The following SLC12A8 variants were observed in gnomAD, a reference collection of about 807,000 sequenced individuals.
SLC12A8 encodes the protein solute carrier family 12 member 8, also known as cation-chloride cotransporter 9.
In SLC12A8, 69 loss-of-function variants were observed where a neutral mutation model predicts 75.6. The observed-to-expected ratio is 0.91, with a 90% CI of 0.75 to 1.11. SLC12A8 has a LOEUF of 1.11. Among genes scored for constraint, SLC12A8 ranks in the 50% most tolerant of loss-of-function variants. The pLI is 0.00. For synonymous variants in SLC12A8, 365 were observed against 372.8 expected, an observed-to-expected ratio of 0.98 and a Z score of 0.24; for missense variants, 877 against 896.7, an observed-to-expected ratio of 0.98 and a Z score of 0.28.
intron 6 of SLC12A8, among the ~76,000 whole-genome samples, chr3:125,133,774 T>G (rs1353046370): frequency 1.3e-5 from 2 of 152,202 alleles, no homozygotes; most frequent in East Asian, 3.9e-4. Context: ...GGTCTCACTA[T>G]GTTGCCCAGG....
intron 2 of SLC12A8, among the ~76,000 whole-genome samples, chr3:125,199,069 T>A (rs549310436): frequency 2.0e-5 from 3 of 152,114 alleles, no homozygotes; most frequent in South Asian, 2.1e-4. Flanking sequence ...TGAGCCACCA[T>A]GCCCGGCTGA....
chr3:125,186,747 A>C lies in SLC12A8; in HGVS notation c.390+490T>G, dbSNP rs1579533419. ...CCCTCTCAGACAGGGCGTCCACACA[A>C]GAGGCTGTCAGCCTCCCTGTGAAGG... On this transcript the variant is annotated intron_variant, in intron 4 of 13. Transcript: ENST00000469902. Among the ~76,000 whole-genome samples, 4 of 152,374 alleles carry C rather than the reference A, an allele frequency of 2.6e-5. No individual in the cohort carries two copies. In the East Asian group the frequency reaches 7.7e-4, roughly 29 times the overall value.
chr3:125,149,455 A>G (rs1001099214), intron 5 of SLC12A8, among the ~76,000 whole-genome samples: 1 of 152,208 alleles, frequency 6.6e-6, no homozygotes, highest in Admixed American at 6.5e-5. Context: ...GCTGCTGGCC[A>G]GGGGTGATGG....
chr3:125,119,428 C>T (rs1932993292), intron 7 of SLC12A8, among the ~76,000 whole-genome samples: 1 of 152,218 alleles, frequency 6.6e-6, no homozygotes, highest in Admixed American at 6.5e-5. Context: ...AAACTAAAGT[C>T]AAAAGGCAGA....
At position 125,107,967 on chromosome 3, in the gene SLC12A8, T is replaced by C. The variant is rs959003476; in HGVS notation, c.1219A>G (p.Met407Val). 6.8e-6 allele frequency: 11 copies of C among 1,613,960 alleles called. No homozygotes were observed. The highest frequency in any genetic ancestry group is 4.0e-5 in the African/African-American group (3 of 74,906). Reference protein sequence around the residue: ...AVDYSYFSLSMCSCSLTPVPE... With the variant: ...AVDYSYFSLSVCSCSLTPVPE... ...ACCGGGGTCAGGCTGCAGGAACACA[T>C]GGACAGGGAGAAGTAAGAGTAGTCC... The change falls in exon 10 of 14, where the codon ATG becomes GTG. Residue 407 changes from methionine to valine, a missense_variant. Physicochemically the swap from Met to Val is conservative, Grantham distance 21. Transcript: ENST00000469902.
intron 6 of SLC12A8, among the ~76,000 whole-genome samples, chr3:125,127,561 A>G (rs975577868): frequency 6.6e-6 from 1 of 152,234 alleles, no homozygotes; most frequent in Non-Finnish European, 1.5e-5. Context: ...TTTTGAAAGT[A>G]CAAAATTATG....
chr3:125,189,787 C>T (rs932045407), intron 3 of SLC12A8, among the ~76,000 whole-genome samples: 4 of 152,194 alleles, frequency 2.6e-5, no homozygotes, highest in Admixed American at 2.0e-4. Context: ...CCCAGGCACA[C>T]ATCTGCTTGG....
At chr3:125,135,995 GACATA>G (rs1162768722) in intron 5 of SLC12A8, among the ~76,000 whole-genome samples, 12 of 152,178 alleles carry the variant, frequency 7.9e-5, no homozygotes, top group African/African-American at 2.7e-4. Flanking sequence ...ACAGATGGAT[GACATA>G]ACATGAAAGG....
At chr3:125,211,750 A>C (rs1935340588) in intron 1 of SLC12A8, among the ~76,000 whole-genome samples, 1 of 152,114 alleles carries the variant, frequency 6.6e-6, no homozygotes, top group Non-Finnish European at 1.5e-5. Context: ...GTGCCTCGTG[A>C]ACCCCTCTCT....
At chr3:125,137,101 C>A (rs4679158) in intron 5 of SLC12A8, among the ~76,000 whole-genome samples, 106,710 of 152,026 alleles carry the variant, frequency 0.7, 38,036 homozygotes, top group Non-Finnish European at 0.77. Flanking sequence ...TCATCCTCCA[C>A]CCGCTCGGAG....
intron 5 of SLC12A8, among the ~76,000 whole-genome samples, chr3:125,172,495 A>G (rs1040557617): frequency 3.3e-5 from 5 of 152,140 alleles, no homozygotes; most frequent in East Asian, 1.9e-4. Context: ...TCCAGCCCCA[A>G]TTAAGCCTTC....
At chr3:125,170,568 C>A (rs1203471514) in intron 5 of SLC12A8, among the ~76,000 whole-genome samples, 1 of 152,136 alleles carries the variant, frequency 6.6e-6, no homozygotes, top group Non-Finnish European at 1.5e-5. Flanking sequence ...AAGAGCTGTG[C>A]TGTGTGTGTT....
chr3:125,180,194 G>C (rs539125075), intron 4 of SLC12A8, among the ~76,000 whole-genome samples: 161 of 152,278 alleles, frequency 1.1e-3, no homozygotes, highest in African/African-American at 3.7e-3. Context: ...GGCAGGGTAG[G>C]GGGTGGGGGA....
intron 5 of SLC12A8, among the ~76,000 whole-genome samples, chr3:125,167,576 G>A (rs948808450): frequency 6.6e-6 from 1 of 152,214 alleles, no homozygotes; most frequent in African/African-American, 2.4e-5. Flanking sequence ...TGCTAAGACA[G>A]GCAGGAAGGC....
At chr3:125,149,809 A>C (rs1456138197) in intron 5 of SLC12A8, among the ~76,000 whole-genome samples, 1 of 152,138 alleles carries the variant, frequency 6.6e-6, no homozygotes, top group Non-Finnish European at 1.5e-5. Context: ...AAAAGCATAA[A>C]GGAAGAAAGG....
At chr3:125,190,162 G>A (rs923309501) in intron 3 of SLC12A8, among the ~76,000 whole-genome samples, 1 of 152,190 alleles carries the variant, frequency 6.6e-6, no homozygotes, top group South Asian at 2.1e-4. Flanking sequence ...TTAAATCTAT[G>A]GTGTGAGGTT....
intron 5 of SLC12A8, among the ~76,000 whole-genome samples, chr3:125,147,756 T>G (rs1933821172): frequency 6.6e-6 from 1 of 152,078 alleles, no homozygotes; most frequent in African/African-American, 2.4e-5. Flanking sequence ...GTGATTGAGG[T>G]GCCCCAGGAA....
chr3:125,161,055 AAC>A (rs548173993), intron 5 of SLC12A8, among the ~76,000 whole-genome samples: 29 of 152,340 alleles, frequency 1.9e-4, no homozygotes, highest in Non-Finnish European at 3.8e-4. Context: ...TCTACTGAAA[AAC>A]ACAGTCTATC....
intron 8 of SLC12A8, among the ~76,000 whole-genome samples, chr3:125,112,866 G>A (rs2107745806): frequency 6.6e-6 from 1 of 152,238 alleles, no homozygotes; most frequent in Admixed American, 6.5e-5. Context: ...ACGTGGTTGA[G>A]TTTAAGAAAG....
Sources: allele counts gnomAD v4.1 joint callset (sites outside exome capture counted in the v4.1 genomes callset), GRCh38; gene constraint gnomAD v4.1.1; transcripts MANE v1.5; gene names NCBI Gene and HGNC (gene_info 2026-07-23, HGNC 2026-07-21).